Variants in HDAC9 observed in about 807,000 individuals in gnomAD.
HDAC9 encodes the protein histone deacetylase 9.
HDAC9 carries 41 observed loss-of-function variants against 139.4 expected under a neutral mutation model. The ratio of observed to expected loss-of-function variants is 0.29; its 90% confidence interval spans 0.23 to 0.38. The LOEUF (loss-of-function observed/expected upper bound fraction) is 0.38. Among genes scored for constraint, HDAC9 ranks in the 10% least tolerant of loss-of-function variants. HDAC9 has a pLI of 1.00. For synonymous variants in HDAC9, 517 were observed against 476.2 expected (o/e 1.09, Z -1.12); for missense variants, 1,147 against 1,297.0 (o/e 0.88, Z 1.78).
intron 22 of HDAC9, 118 bp downstream of exon 22, chr7:18,874,714 T>C (rs1799189433): frequency 3.1e-6 from 2 of 643,434 alleles, no homozygotes; most frequent in Non-Finnish European, 5.6e-6. Flanking sequence ...CATTTGAAAA[T>C]GATTCAGGTG....
intron 23 of HDAC9, among the ~76,000 whole-genome samples, chr7:18,950,114 A>G (rs565771933): frequency 1.4e-5 from 2 of 147,714 alleles, no homozygotes; most frequent in Non-Finnish European, 3.0e-5. Flanking sequence ...AATTGGATTA[A>G]AGATTAATTT....
intron 2 of HDAC9, among the ~76,000 whole-genome samples, chr7:18,576,058 A>C (rs1825850534): frequency 6.6e-6 from 1 of 152,256 alleles, no homozygotes; most frequent in East Asian, 1.9e-4. Flanking sequence ...GATATGAAGG[A>C]TAGGACTAAT....
chr7:18,605,918 G>T (rs1835359278), intron 6 of HDAC9, among the ~76,000 whole-genome samples: 1 of 152,090 alleles, frequency 6.6e-6, no homozygotes, highest in African/African-American at 2.4e-5. Context: ...CTGACCTTGT[G>T]ATCTGCCCAC....
rs531895455 is a variant in HDAC9, at chr7:18,808,429, A to G, written c.2322+14977A>G. Reference sequence around the variant, plus strand: ...ATAGTTCTATGTATAGAAAACCCTAAAGACTCACCAAAATACTGTTAGAAC... The same window carrying G: ...ATAGTTCTATGTATAGAAAACCCTAGAGACTCACCAAAATACTGTTAGAAC... On this transcript the variant is annotated intron_variant, in intron 17 of 25. Coordinates refer to ENST00000686413, the MANE Select transcript of HDAC9 (RefSeq NM_178425.4). 4 of 152,306 alleles carry G rather than the reference A, an allele frequency of 2.6e-5. No individual in the cohort carries two copies. In the East Asian group the frequency reaches 7.7e-4, roughly 29 times the overall value. The allele number at this position is 152,306 out of a possible 1,614,324, so 9.4% of individuals were successfully genotyped here.
chr7:18,410,807 T>TAAAAG (rs1372704337), intron 1 of HDAC9, among the ~76,000 whole-genome samples: 1 of 152,218 alleles, frequency 6.6e-6, no homozygotes, highest in Non-Finnish European at 1.5e-5. Flanking sequence ...GCCTAAATAT[T>TAAAAG]TTTTTAAATT....
intron 2 of HDAC9, among the ~76,000 whole-genome samples, chr7:18,277,048 C>G (rs1467148589): frequency 6.6e-6 from 1 of 151,640 alleles, no homozygotes; most frequent in Non-Finnish European, 1.5e-5. Flanking sequence ...GTTATTTTTA[C>G]CAGTCATTCA....
At chr7:18,290,100 T>C (rs1797711108), upstream of HDAC9, 1 of 169,980 alleles carries the variant, frequency 5.9e-6, no homozygotes, top group Non-Finnish European at 1.3e-5. Flanking sequence ...TTGAGTATAC[T>C]TAGAGTATGG....
At chr7:18,519,469 C>G (rs568525836) in intron 2 of HDAC9, among the ~76,000 whole-genome samples, 11 of 152,218 alleles carry the variant, frequency 7.2e-5, no homozygotes, top group African/African-American at 2.6e-4. Context: ...ATGAATAAGA[C>G]ATTTACAAAG....
chr7:18,772,440 C>A lies in HDAC9; in HGVS notation c.2214+5285C>A, dbSNP rs970161440. 9.9e-5 allele frequency among the ~76,000 whole-genome samples: 15 copies of A among 151,990 alleles called. 1 individual carries two copies. The highest frequency in any genetic ancestry group is 3.6e-4 in the African/African-American group (15 of 41,404). ...TCATATGTTATTTCAACCCAATTAT[C>A]CTGAGCAAGCACAATGCCTTTTGTT... is the stretch of plus-strand genomic sequence containing the variant. On this transcript the variant is annotated intron_variant, in intron 16 of 25. Transcript: ENST00000686413.
intron 12 of HDAC9, among the ~76,000 whole-genome samples, chr7:18,678,271 T>C (rs1302721472): frequency 2.6e-5 from 4 of 151,884 alleles, no homozygotes; most frequent in Non-Finnish European, 4.4e-5. Flanking sequence ...TTAATACTAG[T>C]TTTTAGCAAA....
intron 1 of HDAC9, among the ~76,000 whole-genome samples, chr7:18,147,927 G>A (rs567036682): frequency 8.5e-5 from 13 of 152,142 alleles, no homozygotes; most frequent in South Asian, 2.1e-4. Context: ...CTCTAGGTCC[G>A]TTGTATTAAT....
chr7:18,448,143 G>A (rs1486485922), intron 1 of HDAC9, among the ~76,000 whole-genome samples: 11 of 152,134 alleles, frequency 7.2e-5, no homozygotes, highest in Admixed American at 1.3e-4. Flanking sequence ...GAGATTACGC[G>A]CGTGAGCCAC....
intron 22 of HDAC9, among the ~76,000 whole-genome samples, chr7:18,878,190 T>G (rs1799464061): frequency 6.6e-6 from 1 of 152,168 alleles, no homozygotes; most frequent in Non-Finnish European, 1.5e-5. Context: ...TGTTAACATT[T>G]TTTTTTAAAA....
chr7:18,093,211 G>T (rs1476975829), intron 1 of HDAC9, among the ~76,000 whole-genome samples: 1 of 152,158 alleles, frequency 6.6e-6, no homozygotes, highest in Admixed American at 6.5e-5. Context: ...CTTCTCCCCT[G>T]GCAGGTGTGT....
At chr7:18,496,744 C>G (rs916644704) in intron 2 of HDAC9, 3 of 158,686 alleles carry the variant, frequency 1.9e-5, no homozygotes, top group Non-Finnish European at 4.1e-5. Flanking sequence ...TATATTTACT[C>G]TGTGCCTACA....
intron 2 of HDAC9, among the ~76,000 whole-genome samples, chr7:18,209,659 T>G (rs569175906): frequency 6.6e-6 from 1 of 152,242 alleles, no homozygotes; most frequent in East Asian, 1.9e-4. Flanking sequence ...TGGTTGGAGC[T>G]TAATAAAAAA....
At chr7:18,581,037 A>G (rs1013121693) in intron 2 of HDAC9, among the ~76,000 whole-genome samples, 3 of 152,168 alleles carry the variant, frequency 2.0e-5, no homozygotes, top group Non-Finnish European at 4.4e-5. Context: ...TGATATGATT[A>G]TGATTAGGCA....
chr7:18,399,827 G>C (rs907195898), intron 1 of HDAC9, among the ~76,000 whole-genome samples: 1 of 152,190 alleles, frequency 6.6e-6, no homozygotes, highest in Non-Finnish European at 1.5e-5. Flanking sequence ...GCTGCATAAG[G>C]CTCCCAGGCA....
chr7:18,911,079 T>C (rs1802695509), intron 22 of HDAC9, among the ~76,000 whole-genome samples: 1 of 151,826 alleles, frequency 6.6e-6, no homozygotes, highest in African/African-American at 2.4e-5. Flanking sequence ...CTCCAGTTCT[T>C]GGTTTCTCTT....
Sources: gnomAD v4.1 joint callset for allele counts (sites outside exome capture counted in the v4.1 genomes callset) on GRCh38, gnomAD v4.1.1 for gene constraint, MANE v1.5 for transcripts, NCBI Gene and HGNC (gene_info 2026-07-23, HGNC 2026-07-21) for gene names.